Variants in CORO2B observed in about 807,000 individuals in gnomAD.
CORO2B encodes the protein coronin 2B.
A neutral mutation model predicts 58.8 loss-of-function variants in CORO2B; 26 were observed. The ratio of observed to expected loss-of-function variants is 0.44; its 90% CI spans 0.32 to 0.61. The LOEUF is 0.61. Among genes scored for constraint, CORO2B ranks in the 20% least tolerant of loss-of-function variants. CORO2B has a pLI of 0.04. For missense variants in CORO2B, 460 were observed against 645.1 expected, an observed-to-expected ratio of 0.71 and a Z score of 3.11; for synonymous variants, 242 against 253.8, an observed-to-expected ratio of 0.95 and a Z score of 0.44.
At chr15:68,566,263 G>T in the CORO2B span, among the ~76,000 whole-genome samples, 4 of 152,162 alleles carry the variant, frequency 2.6e-5, no homozygotes, top group Non-Finnish European at 4.4e-5. Flanking sequence ...CCCCTGTGAG[G>T]TGGCTGCCGT....
chr15:68,706,402 G>A (rs1596029231), intron 3 of CORO2B, among the ~76,000 whole-genome samples: 1 of 148,612 alleles, frequency 6.7e-6, no homozygotes, highest in Admixed American at 6.7e-5. Context: ...TGCATGCACC[G>A]CTTAGTGCTA....
intron 1 of CORO2B, among the ~76,000 whole-genome samples, chr15:68,594,001 T>C (rs1328330570): frequency 1.3e-5 from 2 of 152,060 alleles, no homozygotes; most frequent in Admixed American, 6.5e-5. Context: ...CAGAGAGAGA[T>C]GTGGTTGGGT....
intron 1 of CORO2B, among the ~76,000 whole-genome samples, chr15:68,582,710 T>C (rs548691623): frequency 6.6e-6 from 1 of 152,208 alleles, no homozygotes; most frequent in Non-Finnish European, 1.5e-5. Flanking sequence ...TCTAGGCCCT[T>C]GCAACCCGCT....
chr15:68,560,112 G>C, the CORO2B span, among the ~76,000 whole-genome samples: 16 of 152,200 alleles, frequency 1.1e-4, no homozygotes, highest in African/African-American at 3.6e-4. Flanking sequence ...CACCCGTGCA[G>C]TGCTCAGGCA....
rs202232867 is a variant in CORO2B at position 68,716,375 on chromosome 15, G to A, written c.967+1064G>A. 5.9e-5 allele frequency among the ~76,000 whole-genome samples: 9 copies of A among 152,300 alleles called. No homozygotes were observed. The East Asian group carries it at 1.5e-3, about 26-fold the overall frequency. ...CTAATGTAAGGCTTAGAGACCACATGTGCAAGGCACCTGGCAGAGCACTTG... is the reference window on the plus strand; with the variant it reads ...CTAATGTAAGGCTTAGAGACCACATATGCAAGGCACCTGGCAGAGCACTTG... On this transcript the variant is annotated intron_variant, in intron 8 of 11. Coordinates refer to ENST00000261861, the MANE Select transcript of CORO2B (RefSeq NM_006091.5).
the CORO2B span, among the ~76,000 whole-genome samples, chr15:68,558,064 T>C: frequency 1.4e-5 from 2 of 146,978 alleles, no homozygotes; most frequent in Non-Finnish European, 3.0e-5. Context: ...CAGGGCAGCC[T>C]GGCAGTGGAA....
intron 1 of CORO2B, among the ~76,000 whole-genome samples, chr15:68,591,060 G>A (rs1010626763): frequency 6.6e-6 from 1 of 152,242 alleles, no homozygotes; most frequent in African/African-American, 2.4e-5. Context: ...GTCTCCAGGG[G>A]GATCCTGGTC....
the CORO2B span, among the ~76,000 whole-genome samples, chr15:68,567,313 G>A: frequency 2.6e-5 from 4 of 152,166 alleles, no homozygotes; most frequent in East Asian, 3.9e-4. Flanking sequence ...AGTTCAAAGC[G>A]GCCAAAGCAA....
chr15:68,653,657 T>G (rs1312677154), intron 2 of CORO2B, among the ~76,000 whole-genome samples: 3 of 152,182 alleles, frequency 2.0e-5, no homozygotes, highest in African/African-American at 7.2e-5. Context: ...GGTGGATCAT[T>G]TAGCTCCATA....
At chr15:68,524,306 GAAGTAA>G in the CORO2B span, among the ~76,000 whole-genome samples, 1 of 152,132 alleles carries the variant, frequency 6.6e-6, no homozygotes, top group Non-Finnish European at 1.5e-5. Flanking sequence ...ATTGTAACCA[GAAGTAA>G]AAGTATGACT....
chr15:68,695,550 A>G (rs1330622368), intron 3 of CORO2B, among the ~76,000 whole-genome samples: 2 of 152,180 alleles, frequency 1.3e-5, no homozygotes, highest in African/African-American at 2.4e-5. Context: ...GCATTTGTCT[A>G]TGCTGTCTAA....
chr15:68,561,193 G>A, the CORO2B span, among the ~76,000 whole-genome samples: 11 of 152,142 alleles, frequency 7.2e-5, no homozygotes, highest in Admixed American at 6.5e-4. Context: ...GAGGGTGCTC[G>A]GGAGATAAGG....
chr15:68,705,604 G>C (rs560914064), intron 3 of CORO2B, among the ~76,000 whole-genome samples: 4 of 152,216 alleles, frequency 2.6e-5, no homozygotes, highest in Admixed American at 2.6e-4. Flanking sequence ...ACATCCAACA[G>C]TTCTTGGTGA....
At chr15:68,634,770 A>T (rs1354440740) in intron 1 of CORO2B, among the ~76,000 whole-genome samples, 1 of 152,200 alleles carries the variant, frequency 6.6e-6, no homozygotes, top group Non-Finnish European at 1.5e-5. Context: ...ACTGAGCTGG[A>T]GAGTGATACC....
chr15:68,607,256 T>A (rs1299464137), intron 1 of CORO2B, among the ~76,000 whole-genome samples: 2 of 152,210 alleles, frequency 1.3e-5, no homozygotes, highest in East Asian at 1.9e-4. Context: ...TGGACTGGGA[T>A]GACTTGAAGG....
intron 1 of CORO2B, among the ~76,000 whole-genome samples, chr15:68,639,420 C>G (rs1901136186): frequency 6.6e-6 from 1 of 152,156 alleles, no homozygotes; most frequent in Non-Finnish European, 1.5e-5. Flanking sequence ...GTGGGACACC[C>G]TAAAAGGAGG....
intron 2 of CORO2B, among the ~76,000 whole-genome samples, chr15:68,689,497 A>T (rs1816862112): frequency 2.0e-5 from 3 of 152,242 alleles, no homozygotes. Context: ...TTGTAAATCA[A>T]TATAAATGTG....
chr15:68,643,483 G>A (rs1025378322), intron 1 of CORO2B, among the ~76,000 whole-genome samples: 2 of 152,216 alleles, frequency 1.3e-5, no homozygotes, highest in Admixed American at 6.5e-5. Flanking sequence ...GAGAGAGACA[G>A]CAAGTGGGAC....
At chr15:68,597,767 C>T (rs1185226898) in intron 1 of CORO2B, among the ~76,000 whole-genome samples, 1 of 152,180 alleles carries the variant, frequency 6.6e-6, no homozygotes, top group South Asian at 2.1e-4. Context: ...GTCCAGCCTG[C>T]GGTTCCCATC....
Sources: allele counts gnomAD v4.1 joint callset (sites outside exome capture counted in the v4.1 genomes callset), GRCh38; gene constraint gnomAD v4.1.1; transcripts MANE v1.5; gene names NCBI Gene and HGNC (gene_info 2026-07-23, HGNC 2026-07-21).